ZNF565: variants seen among roughly 807,000 people sequenced by gnomAD.
ZNF565 encodes the protein zinc finger protein 565.
A neutral mutation model predicts 39.4 loss-of-function variants in ZNF565; 27 were observed. That is an observed-to-expected ratio of 0.69 (90% CI 0.51 to 0.95). ZNF565 has a LOEUF of 0.95. ZNF565 is among the 40% of genes least tolerant of loss of function. The pLI, the probability that ZNF565 is intolerant of heterozygous loss-of-function variation, is 0.00. For missense variants in ZNF565, 524 were observed against 621.1 expected (o/e 0.84, Z 1.66); for synonymous variants, 185 against 216.6 (o/e 0.85, Z 1.28).
Position 36,183,735 on chromosome 19 carries a change from T to A in ZNF565, c.233-2A>T. 6.3e-7 allele frequency: 1 copy of A among 1,596,464 alleles called. No individual in the cohort carries two copies. The highest frequency in any genetic ancestry group is 1.4e-5 in the African/African-American group (1 of 73,708). ...ATTTCTCACACCTGGACTCCAAGTC[T>A]GAAAAATAAGAAAAAGATAAATACA... On this transcript the variant is annotated splice_acceptor_variant, in intron 4 of 4. Coordinates refer to ENST00000304116, the MANE Select transcript of ZNF565 (RefSeq NM_152477.5). LOFTEE classifies it high-confidence loss of function.
intron 1 of ZNF565, among the ~76,000 whole-genome samples, chr19:36,221,636 A>T (rs1219617573): frequency 2.0e-5 from 3 of 152,156 alleles, no homozygotes; most frequent in African/African-American, 7.2e-5. Context: ...GAAGTAAGTA[A>T]TGCATTTCTG....
Position 36,195,145 on chromosome 19 carries a change from T to C in ZNF565, c.21A>G (p.Thr7=), listed in dbSNP as rs937730307. 2.5e-6 allele frequency: 4 copies of C among 1,613,838 alleles called. No homozygotes were observed. Among genetic ancestry groups the C allele is most frequent in the African/African-American group, 2.7e-5 (2 of 74,938 alleles). Residue 7 remains threonine (T), a synonymous_variant, in exon 3 of 5, where the codon ACA becomes ACG. Transcript: ENST00000304116. ...AGAACTCTATGGCCACGTCCCTGAATGTCACCAGTCCCTGAAACAATAAAC... is the reference window on the plus strand; with the variant it reads ...AGAACTCTATGGCCACGTCCCTGAACGTCACCAGTCCCTGAAACAATAAAC... The part of the protein sequence containing the change: MAQGLV[T]FRDVAIEFSL...
Position 36,182,713 on chromosome 19 carries a change from G to A in ZNF565, c.1253C>T (p.Pro418Leu). The A allele has an allele frequency of 6.2e-7, 1 of 1,614,118 alleles. No homozygotes were observed. The highest frequency in any genetic ancestry group is 1.3e-5 in the African/African-American group (1 of 75,028). Reference protein sequence around the residue: ...QHQRIHTGDKPYECKECGKAF... With the variant: ...QHQRIHTGDKLYECKECGKAF... ...CTTCCCACATTCCTTACATTCGTAG[G>A]GTTTGTCACCTGTATGAATTCTTTG... Residue 418 changes from proline to leucine, a missense_variant, in exon 5 of 5, where the codon CCC (proline) becomes CTC (leucine). Pro to Leu is a moderately conservative substitution (Grantham distance 98). Transcript: ENST00000304116.
At chr19:36,208,645 A>G (rs915100392) in intron 1 of ZNF565, among the ~76,000 whole-genome samples, 1 of 152,134 alleles carries the variant, frequency 6.6e-6, no homozygotes, top group Non-Finnish European at 1.5e-5. Context: ...CCATCTCTGC[A>G]ATTCACAGAC....
intron 1 of ZNF565, chr19:36,238,509 A>T (rs1977729197): frequency 6.0e-6 from 1 of 167,000 alleles, no homozygotes; most frequent in Admixed American, 6.5e-5. Flanking sequence ...ATACTGATTG[A>T]TTCTGGATTG....
At chr19:36,227,389 C>CAAA (rs35503795) in intron 1 of ZNF565, among the ~76,000 whole-genome samples, 3 of 106,846 alleles carry the variant, frequency 2.8e-5, no homozygotes, top group Non-Finnish European at 3.9e-5. Context: ...GTCTCTGTCA[C>CAAA]AAAAAAAAAA....
At chr19:36,239,801 T>C (rs1264582784) in intron 1 of ZNF565, among the ~76,000 whole-genome samples, 1 of 152,226 alleles carries the variant, frequency 6.6e-6, no homozygotes, top group African/African-American at 2.4e-5. Context: ...GACAGAGTTC[T>C]ATTTTGTAAA....
chr19:36,185,013 G>GAA lies in ZNF565; in HGVS notation c.233-1281_233-1280insTT, dbSNP rs35641390. Among the ~76,000 whole-genome samples the GAA allele has an allele frequency of 9.2e-3, 1,397 of 151,966 alleles. 6 individuals are homozygous for GAA. The highest frequency in any genetic ancestry group is 0.013 in the Non-Finnish European group (908 of 67,990). The stretch of plus-strand genomic sequence containing the variant: ...GGCGCCTATAATCCCAGCTGCTTGG[G>GAA]AGACCGAGACACAAGAATCACTTGA... On this transcript the variant is annotated intron_variant, in intron 4 of 4. Transcript: ENST00000304116.
chr19:36,195,224 A>G (rs1318053485), intron 2 of ZNF565, 68 bp from the exon 3 acceptor site: 2 of 1,555,526 alleles, frequency 1.3e-6, no homozygotes, highest in Non-Finnish European at 1.7e-6. Flanking sequence ...AAAATTTTCA[A>G]GATGCACAAA....
At chr19:36,199,364 A>G (rs1825941875) in intron 2 of ZNF565, among the ~76,000 whole-genome samples, 1 of 152,034 alleles carries the variant, frequency 6.6e-6, no homozygotes, top group Admixed American at 6.6e-5. Context: ...CACAAAACAG[A>G]TGTTACCACA....
At chr19:36,206,023 G>A (rs905297856) in intron 1 of ZNF565, among the ~76,000 whole-genome samples, 2 of 150,690 alleles carry the variant, frequency 1.3e-5, no homozygotes, top group Admixed American at 6.6e-5. Flanking sequence ...GTGCACTGAC[G>A]AGCTCTCGGC....
intron 1 of ZNF565, among the ~76,000 whole-genome samples, chr19:36,239,937 TA>T (rs968069741): frequency 6.6e-6 from 1 of 152,196 alleles, no homozygotes; most frequent in East Asian, 1.9e-4. Context: ...TTTGAAACCT[TA>T]AAAAACTCAT....
chr19:36,230,571 G>A (rs78096559), intron 1 of ZNF565, among the ~76,000 whole-genome samples: 3,710 of 152,210 alleles, frequency 0.024, 136 homozygotes, highest in African/African-American at 0.084. Flanking sequence ...GAGAGTGGGC[G>A]TGCAGCATTG....
At chr19:36,220,359 TTAATTTAATTTTATTTTA>T (rs1460307862) in intron 1 of ZNF565, among the ~76,000 whole-genome samples, 3 of 134,648 alleles carry the variant, frequency 2.2e-5, no homozygotes, top group Admixed American at 1.6e-4. Context: ...GTTCTTTTTT[TTAATTTAATTTTATTTTA>T]TTTTTGAGAC....
intron 1 of ZNF565, chr19:36,236,986 AC>A: frequency 6.2e-7 from 1 of 1,614,144 alleles, no homozygotes; most frequent in Non-Finnish European, 8.5e-7. Flanking sequence ...CTGGAGAGAA[AC>A]CCTATGAATG....
chr19:36,240,873 A>G (rs1977788065), intron 1 of ZNF565, among the ~76,000 whole-genome samples: 1 of 151,830 alleles, frequency 6.6e-6, no homozygotes, highest in Admixed American at 6.6e-5. Flanking sequence ...CTATCTCAAA[A>G]AAAAAAAAAA....
At position 36,193,819 on chromosome 19, in the gene ZNF565, T is replaced by C. The variant is rs569389566; in HGVS notation, c.232+414A>G. ...TAGGTACCATGGTTCACACCTGTAA[T>C]CTCACTTTGGCCTCCCAAAGTGGGA... On this transcript the variant is annotated intron_variant, in intron 4 of 4. Coordinates refer to ENST00000304116, the MANE Select transcript of ZNF565 (RefSeq NM_152477.5). Among the ~76,000 whole-genome samples, 562 of 152,116 alleles carry C rather than the reference T, an allele frequency of 3.7e-3. 5 individuals carry two copies. The highest frequency in any genetic ancestry group is 6.4e-3 in the Non-Finnish European group (437 of 67,962).
rs923286435 is a variant in ZNF565, at chr19:36,207,735, A to G, written c.-65-5685T>C. ...GTAGGGCCATGCACTGCTCTAGCCAATGAAATCTCAGCTGAGGTGATGACT... is the reference window on the plus strand; with the variant it reads ...GTAGGGCCATGCACTGCTCTAGCCAGTGAAATCTCAGCTGAGGTGATGACT... On this transcript the variant is annotated intron_variant, in intron 1 of 4. Coordinates refer to ENST00000304116, the MANE Select transcript of ZNF565 (RefSeq NM_152477.5). 7.9e-5 allele frequency among the ~76,000 whole-genome samples: 12 copies of G among 152,302 alleles called. 1 individual carries two copies. The highest frequency in any genetic ancestry group is 5.2e-4 in the Admixed American group (8 of 15,288).
Position 36,194,243 on chromosome 19 carries a change from T to C in ZNF565, c.222A>G (p.Pro74=). 3 of 1,612,036 alleles carry C rather than the reference T, an allele frequency of 1.9e-6. No homozygotes were observed. Among genetic ancestry groups the C allele is most frequent in the Non-Finnish European group, 2.5e-6 (3 of 1,179,098 alleles). ...PWMIANDVTG[P]WCPDLESRCE... ...TCGGCCCTCGCTTACCTGGGCACCA[T>C]GGTCCTGTCACATCATTTGCAATCA... is the stretch of plus-strand genomic sequence containing the variant. Residue 74 remains proline, a synonymous_variant, in exon 4 of 5, where the codon CCA becomes CCG. Coordinates refer to ENST00000304116, the MANE Select transcript of ZNF565 (RefSeq NM_152477.5).
Sources: allele counts gnomAD v4.1 joint callset (sites outside exome capture counted in the v4.1 genomes callset), GRCh38; gene constraint gnomAD v4.1.1; transcripts MANE v1.5; gene names NCBI Gene and HGNC (gene_info 2026-07-23, HGNC 2026-07-21).